Variants in SLC25A46 observed in about 807,000 individuals in gnomAD.
The protein encoded by SLC25A46 is mitochondrial outer membrane protein SLC25A46.
Under a neutral mutation model 44.6 loss-of-function variants are expected in SLC25A46, and 39 were observed. The ratio of observed to expected loss-of-function variants is 0.87; its 90% CI spans 0.68 to 1.14. The LOEUF is 1.14. Among genes scored for constraint, SLC25A46 ranks in the 50% most tolerant of loss-of-function variants. SLC25A46 has a pLI of 0.00. For synonymous variants in SLC25A46, 202 were observed against 185.8 expected (o/e 1.09, Z -0.71); for missense variants, 547 against 522.7 (o/e 1.05, Z -0.45).
Position 110,746,597 on chromosome 5 carries a change from A to C in SLC25A46, c.462+251A>C, listed in dbSNP as rs1054781326. Among the ~76,000 whole-genome samples, 9 of 152,234 alleles carry C rather than the reference A, an allele frequency of 5.9e-5. 1 individual carries two copies. The highest frequency in any genetic ancestry group is 4.6e-4 in the Admixed American group (7 of 15,286). ...CTCTGCTATCAAGAGGCTCATATTT[A>C]TTCATGGAGACAAAATCTTTGAAGA... On this transcript the variant is annotated intron_variant, in intron 4 of 7. Coordinates refer to ENST00000355943, the MANE Select transcript of SLC25A46 (RefSeq NM_138773.4).
Position 110,739,287 on chromosome 5 carries a change from C to T in SLC25A46, c.168C>T (p.His56=), listed in dbSNP as rs140606969. 5.2e-5 allele frequency: 82 copies of T among 1,575,008 alleles called. No individual in the cohort carries two copies. Among genetic ancestry groups the T allele is most frequent in the Non-Finnish European group, 6.6e-5 (77 of 1,160,562 alleles). The change falls in exon 1 of 8, where the codon CAC becomes CAT. Residue 56 remains histidine, a synonymous_variant. Transcript: ENST00000355943. ...PPDIPGSRNL[H]WGEKSPPYGV... is the part of the protein sequence containing the mutation. Reference sequence around the variant, plus strand: ...ATATCCCCGGCAGCCGCAACCTGCACTGGGGCGAGAAGAGCCCGCCCTACG... The same window carrying T: ...ATATCCCCGGCAGCCGCAACCTGCATTGGGGCGAGAAGAGCCCGCCCTACG...
chr5:110,759,071 G>A (rs761153031), intron 7 of SLC25A46, among the ~76,000 whole-genome samples: 4 of 152,084 alleles, frequency 2.6e-5, no homozygotes, highest in Non-Finnish European at 5.9e-5. Flanking sequence ...GCCTATATCA[G>A]GTACTGTTAT....
intron 7 of SLC25A46, among the ~76,000 whole-genome samples, chr5:110,760,788 C>G (rs549688035): frequency 6.6e-6 from 1 of 152,006 alleles, no homozygotes; most frequent in Non-Finnish European, 1.5e-5. Flanking sequence ...TTGTAGAATG[C>G]GAAACTGTGC....
At chr5:110,751,665 A>G (rs1430854098) in intron 5 of SLC25A46, among the ~76,000 whole-genome samples, 3 of 152,196 alleles carry the variant, frequency 2.0e-5, no homozygotes, top group African/African-American at 7.2e-5. Context: ...ATAAAAGGAG[A>G]CATCTTAGTA....
At position 110,746,360 on chromosome 5, in the gene SLC25A46, C is replaced by A; in HGVS notation, c.462+14C>A. 6.5e-7 allele frequency: 1 copy of A among 1,544,986 alleles called. No homozygotes were observed. Among genetic ancestry groups the A allele is most frequent in the South Asian group, 1.2e-5 (1 of 84,220 alleles). On this transcript the variant is annotated intron_variant, in intron 4 of 7. Coordinates refer to ENST00000355943, the MANE Select transcript of SLC25A46 (RefSeq NM_138773.4). ...AACAAAACTCAGGTGAGAATTTTGTCTGGATTCTATTAAAGGTTTATATAA... is the reference window on the plus strand; with the variant it reads ...AACAAAACTCAGGTGAGAATTTTGTATGGATTCTATTAAAGGTTTATATAA...
chr5:110,761,191 AT>A lies in SLC25A46; in HGVS notation c.679-8del, dbSNP rs751152278. Reference sequence around the variant, plus strand: ...AATGTTAAGTTTTACTTATTTCATCATTTTTATTTCAGAGTGAGATAATTCG... The same window carrying A: ...AATGTTAAGTTTTACTTATTTCATCATTTTATTTCAGAGTGAGATAATTCG... On this transcript the variant is annotated splice_polypyrimidine_tract_variant and intron_variant, in intron 7 of 7. Coordinates refer to ENST00000355943, the MANE Select transcript of SLC25A46 (RefSeq NM_138773.4). This position sits in a 1 kb window ranked among gnomAD's most constrained non-coding sequence, Gnocchi z 5.3. 4.0e-5 allele frequency: 63 copies of A among 1,566,934 alleles called. No homozygotes were observed. Among genetic ancestry groups the A allele is most frequent in the Non-Finnish European group, 1.2e-5 (14 of 1,156,626 alleles).
chr5:110,760,756 TAGACAG>T (rs756046083), intron 7 of SLC25A46, among the ~76,000 whole-genome samples: 1 of 152,130 alleles, frequency 6.6e-6, no homozygotes, highest in Non-Finnish European at 1.5e-5. Flanking sequence ...GCATAAAAAG[TAGACAG>T]TGCTCATTTC....
In SLC25A46 at chr5:110,742,046, G is replaced by T; in HGVS notation, c.284-1G>T. The T allele has an allele frequency of 6.4e-7, 1 of 1,563,882 alleles. No individual in the cohort carries two copies. The highest frequency in any genetic ancestry group is 1.4e-5 in the African/African-American group (1 of 72,772). Reference sequence around the variant, plus strand: ...TTTATTTCTATTTTTTTTTACTTTAGAACAGCTGAATAGATTTGCTGGATT... The same window carrying T: ...TTTATTTCTATTTTTTTTTACTTTATAACAGCTGAATAGATTTGCTGGATT... On this transcript the variant is annotated splice_acceptor_variant, in intron 1 of 7. Coordinates refer to ENST00000355943, the MANE Select transcript of SLC25A46 (RefSeq NM_138773.4). LOFTEE classifies it high-confidence loss of function.
chr5:110,751,688 A>G (rs1799972480), intron 5 of SLC25A46, among the ~76,000 whole-genome samples: 1 of 152,196 alleles, frequency 6.6e-6, no homozygotes, highest in African/African-American at 2.4e-5. Flanking sequence ...CTATTACAAT[A>G]ATAAAGGTAA....
chr5:110,745,236 ACT>A (rs1799785252), intron 3 of SLC25A46, among the ~76,000 whole-genome samples: 1 of 151,718 alleles, frequency 6.6e-6, no homozygotes, highest in South Asian at 2.1e-4. Context: ...CCACTTGCAA[ACT>A]CTGTTATAAC....
intron 4 of SLC25A46, among the ~76,000 whole-genome samples, chr5:110,747,642 T>C (rs1324623118): frequency 6.6e-6 from 1 of 152,056 alleles, no homozygotes; most frequent in African/African-American, 2.4e-5. Context: ...AAAGTAATAG[T>C]GTTAAGTATG....
At chr5:110,760,136 A>T (rs1176760374) in intron 7 of SLC25A46, among the ~76,000 whole-genome samples, 1 of 152,122 alleles carries the variant, frequency 6.6e-6, no homozygotes, top group Non-Finnish European at 1.5e-5. Flanking sequence ...TCATCTCAAT[A>T]AAAGGCAGTG....
rs115692959 is a variant in SLC25A46, at chr5:110,751,604, C to G, written c.563+3341C>G. ...AGGTCAGTGACATCAGATTTGTTTT[C>G]AAAGGGTCATTGTAACTGTAGATGA... On this transcript the variant is annotated intron_variant, in intron 5 of 7. Transcript: ENST00000355943. Among the ~76,000 whole-genome samples the G allele has an allele frequency of 6.8e-3, 1,041 of 152,198 alleles. 15 individuals carry two copies. The highest frequency in any genetic ancestry group is 0.024 in the African/African-American group (1,014 of 41,548).
rs771369002 is a variant in SLC25A46 at position 110,756,752 on chromosome 5, C to T, written c.671C>T (p.Thr224Ile). The T allele has an allele frequency of 1.3e-6, 2 of 1,559,114 alleles. No homozygotes were observed. Among genetic ancestry groups the T allele is most frequent in the South Asian group, 1.3e-5 (1 of 78,912 alleles). Residue 224 changes from threonine (T) to isoleucine (I), a missense_variant, in exon 7 of 8, where the codon ACA becomes ATA. By Grantham distance (89) the Thr-to-Ile change is moderately conservative (BLOSUM62 -1). Transcript: ENST00000355943. ...TTTTATTCAGCAAGTCTGATTGAAACAGTGCAGGTGAGCTTTTTTTTACTG... is the reference window on the plus strand; with the variant it reads ...TTTTATTCAGCAAGTCTGATTGAAATAGTGCAGGTGAGCTTTTTTTTACTG... ...MPFYSASLIE[T>I]VQSEIIRDNT...
At chr5:110,759,047 T>C (rs1007498339) in intron 7 of SLC25A46, among the ~76,000 whole-genome samples, 3 of 152,154 alleles carry the variant, frequency 2.0e-5, no homozygotes, top group African/African-American at 7.2e-5. Context: ...GTATCAATTG[T>C]TTATTGAGTA....
At chr5:110,758,582 G>A (rs560706518) in intron 7 of SLC25A46, among the ~76,000 whole-genome samples, 2 of 151,964 alleles carry the variant, frequency 1.3e-5, no homozygotes, top group East Asian at 1.9e-4. Flanking sequence ...TCAGGAGTTC[G>A]AGACCAGCCT....
At chr5:110,740,378 G>A (rs889598172) in intron 1 of SLC25A46, among the ~76,000 whole-genome samples, 2 of 152,086 alleles carry the variant, frequency 1.3e-5, no homozygotes, top group Middle Eastern at 3.2e-3. Context: ...AGTAAATGAG[G>A]ATGTGAAGAA....
intron 4 of SLC25A46, among the ~76,000 whole-genome samples, chr5:110,747,057 C>G (rs911038695): frequency 4.6e-5 from 7 of 152,074 alleles, no homozygotes; most frequent in Non-Finnish European, 1.0e-4. Context: ...TCTTGAAGAC[C>G]TTTGGATTGT....
At chr5:110,760,372 T>G (rs1800218816) in intron 7 of SLC25A46, among the ~76,000 whole-genome samples, 1 of 152,132 alleles carries the variant, frequency 6.6e-6, no homozygotes, top group Non-Finnish European at 1.5e-5. Flanking sequence ...ACTGATCTTG[T>G]TCTCCTTTGC....
Sources: gnomAD v4.1 joint callset for allele counts (sites outside exome capture counted in the v4.1 genomes callset) on GRCh38, gnomAD v4.1.1 for gene constraint, Gnocchi (gnomAD v3.1) non-coding constraint, MANE v1.5 for transcripts, NCBI Gene and HGNC (gene_info 2026-07-23, HGNC 2026-07-21) for gene names.